The following UBE2O variants were observed in gnomAD, a reference collection of about 807,000 sequenced individuals.
UBE2O encodes the protein ubiquitin conjugating enzyme E2 O.
A neutral mutation model predicts 125.8 loss-of-function variants in UBE2O; 15 were observed. That is an observed-to-expected ratio of 0.12 (90% CI 0.08 to 0.18). The LOEUF (loss-of-function observed/expected upper bound fraction) is 0.18, where lower values mean the gene tolerates loss of function less well. Ranked by LOEUF, UBE2O falls within the 10% of genes least tolerant of loss-of-function variation. The pLI is 1.00. For synonymous variants in UBE2O, 708 were observed against 703.2 expected, an observed-to-expected ratio of 1.01 and a Z score of -0.11; for missense variants, 1,280 against 1,723.6, an observed-to-expected ratio of 0.74 and a Z score of 4.56.
At chr17:76,425,656 G>A (rs1351588129) in intron 1 of UBE2O, among the ~76,000 whole-genome samples, 1 of 152,166 alleles carries the variant, frequency 6.6e-6, no homozygotes, top group Non-Finnish European at 1.5e-5. Context: ...AAATCTAAAT[G>A]TGTTATGATG....
At position 76,395,872 on chromosome 17, in the gene UBE2O, G is replaced by T. The variant is rs756382980; in HGVS notation, c.2810-11C>A. Reference sequence around the variant, plus strand: ...TAAAAGAATGATTTGCTAGAGGGGGGAAGAGAATAGTCAGTCCCTCATGGA... The same window carrying T: ...TAAAAGAATGATTTGCTAGAGGGGGTAAGAGAATAGTCAGTCCCTCATGGA... On this transcript the variant is annotated splice_polypyrimidine_tract_variant and intron_variant, in intron 14 of 17. Transcript: ENST00000319380. The surrounding 1 kb of genome is among the most constrained non-coding windows in gnomAD (Gnocchi z 5.0). The T allele has an allele frequency of 6.2e-7, 1 of 1,614,020 alleles. No homozygotes were observed. Among genetic ancestry groups the T allele is most frequent in the South Asian group, 1.1e-5 (1 of 91,074 alleles).
chr17:76,431,450 A>G (rs1280398885), intron 1 of UBE2O, among the ~76,000 whole-genome samples: 1 of 152,198 alleles, frequency 6.6e-6, no homozygotes, highest in Admixed American at 6.5e-5. Flanking sequence ...CGGGAGGCAC[A>G]GGTTGCAGTG....
chr17:76,397,574 T>A (rs1250284168), intron 13 of UBE2O, among the ~76,000 whole-genome samples: 2 of 152,234 alleles, frequency 1.3e-5, no homozygotes, highest in Non-Finnish European at 2.9e-5. Flanking sequence ...AAAGTCTACA[T>A]GCACCCAGAG....
At chr17:76,437,686 T>A (rs573263715) in intron 1 of UBE2O, among the ~76,000 whole-genome samples, 1 of 152,250 alleles carries the variant, frequency 6.6e-6, no homozygotes. Context: ...CCTGAGTAGC[T>A]TGGATTACAG....
At chr17:76,419,081 G>C (rs1171046006) in intron 1 of UBE2O, among the ~76,000 whole-genome samples, 2 of 151,424 alleles carry the variant, frequency 1.3e-5, no homozygotes, top group African/African-American at 4.9e-5. Context: ...CCAGGAGTTC[G>C]AGAACCAGCC....
chr17:76,412,942 A>G (rs2072540982), intron 1 of UBE2O, among the ~76,000 whole-genome samples: 1 of 152,172 alleles, frequency 6.6e-6, no homozygotes, highest in Admixed American at 6.5e-5. Flanking sequence ...CGGGAGGCGG[A>G]GGTTGCAGTG....
Position 76,391,692 on chromosome 17 carries a change from T to C in UBE2O, c.3208+64A>G. ...CCTACCCTCCACCTGCCAGGGGGAC[T>C]ATCAGAGTCACTTTCCTCCACCGGC... On this transcript the variant is annotated intron_variant, in intron 17 of 17. Coordinates refer to ENST00000319380, the MANE Select transcript of UBE2O (RefSeq NM_022066.4). The surrounding 1 kb of genome is among the most constrained non-coding windows in gnomAD (Gnocchi z 8.4). 6.2e-7 allele frequency: 1 copy of C among 1,606,616 alleles called. No homozygotes were observed. The highest frequency in any genetic ancestry group is 1.1e-5 in the South Asian group (1 of 90,014).
At chr17:76,445,075 C>T (rs493035) in intron 1 of UBE2O, among the ~76,000 whole-genome samples, 9,675 of 152,232 alleles carry the variant, frequency 0.064, 376 homozygotes, top group South Asian at 0.12. Flanking sequence ...GGAGGAAGAA[C>T]ATCATCGGAG....
At position 76,402,199 on chromosome 17, in the gene UBE2O, T is replaced by G. The variant is rs2072339015; in HGVS notation, c.687-72A>C. On this transcript the variant is annotated intron_variant, in intron 4 of 17. Transcript: ENST00000319380. The surrounding 1 kb of genome is among the most constrained non-coding windows in gnomAD (Gnocchi z 5.4). The stretch of plus-strand genomic sequence containing the variant: ...GTACCAAAAAGTTGCGATTCTGAGA[T>G]GCCAATGCGCCCACATGCCCTAAAT... 1 of 1,406,332 alleles carries G rather than the reference T, an allele frequency of 7.1e-7. No individual in the cohort carries two copies. The highest frequency in any genetic ancestry group is 1.0e-6 in the Non-Finnish European group (1 of 1,003,136). 87.1% of individuals were successfully genotyped at this position (1,406,332 alleles called of 1,614,324 possible).
At chr17:76,413,492 G>A (rs1161372226) in intron 1 of UBE2O, among the ~76,000 whole-genome samples, 3 of 152,132 alleles carry the variant, frequency 2.0e-5, no homozygotes, top group Non-Finnish European at 4.4e-5. Context: ...GTAAGAATAA[G>A]TACTATTAGG....
rs2072502082 is a variant in UBE2O, at chr17:76,410,773, C to T, written c.418-5201G>A. Among the ~76,000 whole-genome samples the T allele has an allele frequency of 6.6e-6, 1 of 151,924 alleles. No individual in the cohort carries two copies. Among genetic ancestry groups the T allele is most frequent in the Admixed American group, 6.6e-5 (1 of 15,262 alleles). On this transcript the variant is annotated intron_variant, in intron 1 of 17. Transcript: ENST00000319380. The surrounding 1 kb of genome is among the most constrained non-coding windows in gnomAD (Gnocchi z 4.0). ...CTCTCCTGCCAGGAGCACTCTCCCT[C>T]CACGGCTGCCTGACTCCCAAGGCAC...
chr17:76,413,985 C>T (rs558666316), intron 1 of UBE2O, among the ~76,000 whole-genome samples: 1 of 152,304 alleles, frequency 6.6e-6, no homozygotes, highest in Non-Finnish European at 1.5e-5. Context: ...TGTGAATGGT[C>T]AGTAATTCCG....
intron 5 of UBE2O, chr17:76,401,750 C>A (rs2072329548): frequency 4.7e-6 from 1 of 213,860 alleles, no homozygotes; most frequent in African/African-American, 2.3e-5. Context: ...GTGGCACACG[C>A]CTGTAATCCC....
chr17:76,416,890 T>C (rs2072626099), intron 1 of UBE2O, among the ~76,000 whole-genome samples: 1 of 152,188 alleles, frequency 6.6e-6, no homozygotes, highest in African/African-American at 2.4e-5. Flanking sequence ...TGGGAGGAGT[T>C]TCTGCCCAAT....
At chr17:76,438,017 C>T (rs1043894831) in intron 1 of UBE2O, among the ~76,000 whole-genome samples, 1 of 152,138 alleles carries the variant, frequency 6.6e-6, no homozygotes, top group African/African-American at 2.4e-5. Flanking sequence ...TCTCCCTCCC[C>T]ACTCCTCTGT....
intron 1 of UBE2O, among the ~76,000 whole-genome samples, chr17:76,438,440 C>T (rs969647889): frequency 6.6e-6 from 1 of 152,134 alleles, no homozygotes; most frequent in African/African-American, 2.4e-5. Context: ...CCTACTCCTG[C>T]TCTGTCTCCC....
intron 1 of UBE2O, among the ~76,000 whole-genome samples, chr17:76,442,199 G>A (rs558074783): frequency 2.6e-5 from 4 of 152,308 alleles, no homozygotes; most frequent in South Asian, 4.1e-4. Context: ...TGGGGAGCCC[G>A]CGACGGAAGT....
chr17:76,450,097 AT>A (rs904084248), intron 1 of UBE2O, among the ~76,000 whole-genome samples: 3 of 151,516 alleles, frequency 2.0e-5, no homozygotes, highest in African/African-American at 4.9e-5. Flanking sequence ...AAAAAAAAAA[AT>A]CTGCCACTAC....
At chr17:76,416,111 A>G (rs1339875535) in intron 1 of UBE2O, among the ~76,000 whole-genome samples, 3 of 151,752 alleles carry the variant, frequency 2.0e-5, no homozygotes, top group East Asian at 1.9e-4. Context: ...GCGTATGTGT[A>G]TACATATATA....
Sources: gnomAD v4.1 joint callset for allele counts (sites outside exome capture counted in the v4.1 genomes callset) on GRCh38, gnomAD v4.1.1 for gene constraint, Gnocchi (gnomAD v3.1) non-coding constraint, MANE v1.5 for transcripts, NCBI Gene and HGNC (gene_info 2026-07-23, HGNC 2026-07-21) for gene names.